Variants in SH3GL2 observed in about 807,000 individuals in gnomAD.
SH3GL2 encodes endophilin-A1.
A neutral mutation model predicts 46.0 loss-of-function variants in SH3GL2; 24 were observed. That is an observed-to-expected ratio of 0.52 (90% CI 0.38 to 0.73). SH3GL2 has a LOEUF of 0.73. Ranked by LOEUF, SH3GL2 falls within the 30% of genes least tolerant of loss-of-function variation. The pLI is 0.00. For synonymous variants in SH3GL2, 196 were observed against 147.1 expected (o/e 1.33, Z -2.40); for missense variants, 413 against 424.2 (o/e 0.97, Z 0.23).
intron 1 of SH3GL2, among the ~76,000 whole-genome samples, chr9:17,699,398 C>T (rs755007077): frequency 1.3e-5 from 2 of 152,156 alleles, no homozygotes; most frequent in Non-Finnish European, 2.9e-5. Context: ...TGTATACTTG[C>T]CAGACTGACA....
intron 1 of SH3GL2, among the ~76,000 whole-genome samples, chr9:17,697,296 T>G (rs1019778121): frequency 2.6e-5 from 4 of 151,832 alleles, no homozygotes; most frequent in African/African-American, 9.7e-5. Flanking sequence ...TGATCTCGGC[T>G]CACTGCAAAC....
At chr9:17,598,053 G>A (rs1291973801) in intron 1 of SH3GL2, among the ~76,000 whole-genome samples, 1 of 152,212 alleles carries the variant, frequency 6.6e-6, no homozygotes, top group Non-Finnish European at 1.5e-5. Flanking sequence ...CACAGGTGCA[G>A]CAAAGAACAA....
At chr9:17,588,386 CAA>C (rs1419261658) in intron 1 of SH3GL2, among the ~76,000 whole-genome samples, 4 of 152,076 alleles carry the variant, frequency 2.6e-5, no homozygotes, top group Non-Finnish European at 5.9e-5. Flanking sequence ...CTTTGTAAGA[CAA>C]AAGGGAGATT....
At chr9:17,739,665 T>C (rs995783652) in intron 1 of SH3GL2, among the ~76,000 whole-genome samples, 1 of 152,140 alleles carries the variant, frequency 6.6e-6, no homozygotes, top group African/African-American at 2.4e-5. Flanking sequence ...ACATTTTCTG[T>C]AAGGCAAAAA....
At chr9:17,653,648 G>A (rs1046705081) in intron 1 of SH3GL2, among the ~76,000 whole-genome samples, 1 of 152,174 alleles carries the variant, frequency 6.6e-6, no homozygotes, top group African/African-American at 2.4e-5. Context: ...CAAAGAGGTA[G>A]GGCCTTTAAA....
intron 1 of SH3GL2, among the ~76,000 whole-genome samples, chr9:17,685,222 T>C (rs1039466349): frequency 6.6e-6 from 1 of 152,002 alleles, no homozygotes; most frequent in Non-Finnish European, 1.5e-5. Context: ...TCTTGGGAAC[T>C]GACAAGTGCA....
chr9:17,704,454 A>G (rs1021559846), intron 1 of SH3GL2, among the ~76,000 whole-genome samples: 4 of 151,972 alleles, frequency 2.6e-5, no homozygotes, highest in Non-Finnish European at 5.9e-5. Flanking sequence ...TAGAACTCCT[A>G]TGGAATCAAA....
chr9:17,705,616 G>A lies in SH3GL2; in HGVS notation c.46-41450G>A, dbSNP rs145920842. On this transcript the variant is annotated intron_variant, in intron 1 of 8. Coordinates refer to ENST00000380607, the MANE Select transcript of SH3GL2 (RefSeq NM_003026.5). ...GTTTATATACACCACGGAGTACTAC[G>A]CAGCTGTGAAAAAGAATGAAATCAT... Among the ~76,000 whole-genome samples, 646 of 152,082 alleles carry A rather than the reference G, an allele frequency of 4.2e-3. 6 individuals carry two copies. The highest frequency in any genetic ancestry group is 6.3e-3 in the Non-Finnish European group (429 of 67,970).
chr9:17,698,897 C>T (rs1027727275), intron 1 of SH3GL2, among the ~76,000 whole-genome samples: 1 of 152,084 alleles, frequency 6.6e-6, no homozygotes, highest in Non-Finnish European at 1.5e-5. Flanking sequence ...TGGCTCATGC[C>T]TGTAATCCCA....
At chr9:17,730,264 T>C (rs758529809) in intron 1 of SH3GL2, among the ~76,000 whole-genome samples, 4 of 152,132 alleles carry the variant, frequency 2.6e-5, no homozygotes, top group Non-Finnish European at 5.9e-5. Flanking sequence ...TCACTGTCTA[T>C]TATTGGTGTA....
intron 1 of SH3GL2, among the ~76,000 whole-genome samples, chr9:17,603,925 C>G (rs906448776): frequency 2.0e-5 from 3 of 152,108 alleles, no homozygotes; most frequent in African/African-American, 7.2e-5. Flanking sequence ...TATATATACA[C>G]TTACAAGTTA....
At chr9:17,711,118 T>C (rs879171160) in intron 1 of SH3GL2, among the ~76,000 whole-genome samples, 1 of 151,866 alleles carries the variant, frequency 6.6e-6, no homozygotes, top group Admixed American at 6.6e-5. Context: ...GAGGAATAAA[T>C]TGGCTAACTC....
At chr9:17,756,571 C>G (rs542756683) in intron 2 of SH3GL2, among the ~76,000 whole-genome samples, 114 of 147,460 alleles carry the variant, frequency 7.7e-4, no homozygotes, top group African/African-American at 2.7e-3. Flanking sequence ...TGAGAACTTG[C>G]GGTGTTTGGT....
chr9:17,786,624 T>G, intron 4 of SH3GL2, 100 bp downstream of exon 4: 1 of 1,363,374 alleles, frequency 7.3e-7, no homozygotes, highest in East Asian at 2.3e-5. Context: ...CATTTTATAT[T>G]TTGGTTTTCA....
At chr9:17,750,166 A>G (rs938917380) in intron 2 of SH3GL2, among the ~76,000 whole-genome samples, 3 of 152,160 alleles carry the variant, frequency 2.0e-5, no homozygotes, top group African/African-American at 4.8e-5. Flanking sequence ...TAGACTCTCA[A>G]ATCTTTTCTC....
rs1217368507 is a variant in SH3GL2 at position 17,787,466 on chromosome 9, A to G, written c.418A>G (p.Ile140Val). 3.1e-6 allele frequency: 5 copies of G among 1,612,876 alleles called. No individual in the cohort carries two copies. The highest frequency in any genetic ancestry group is 1.3e-5 in the African/African-American group (1 of 75,026). The change falls in exon 5 of 9, where the codon ATT becomes GTT. Residue 140 changes from isoleucine (I) to valine (V), a missense_variant. By Grantham distance (29) the Ile-to-Val change is conservative. Around this residue, in one of 3 missense-constraint regions of SH3GL2, gnomAD observed 160 missense variants for 192.3 expected, o/e 0.83. Transcript: ENST00000380607. ...SLDIEVKQNF[I>V]DPLQNLHDKD... ...GGACATAGAAGTGAAGCAGAACTTC[A>G]TTGACCCTCTTCAGAATCTTCATGA...
At chr9:17,743,982 G>A (rs1439319947) in intron 1 of SH3GL2, among the ~76,000 whole-genome samples, 1 of 152,082 alleles carries the variant, frequency 6.6e-6, no homozygotes, top group African/African-American at 2.4e-5. Context: ...CACATGAAGG[G>A]GTCTATCTAT....
At chr9:17,672,550 A>G (rs1820500372) in intron 1 of SH3GL2, among the ~76,000 whole-genome samples, 1 of 152,154 alleles carries the variant, frequency 6.6e-6, no homozygotes, top group Non-Finnish European at 1.5e-5. Flanking sequence ...AGTTTAGTGA[A>G]TGTGGGGATC....
intron 1 of SH3GL2, among the ~76,000 whole-genome samples, chr9:17,695,986 G>A (rs1821193552): frequency 6.6e-6 from 1 of 152,112 alleles, no homozygotes; most frequent in Non-Finnish European, 1.5e-5. Flanking sequence ...AAAGAAGGCA[G>A]ACCTGATAGT....
Sources: gnomAD v4.1 joint callset for allele counts (sites outside exome capture counted in the v4.1 genomes callset) on GRCh38, gnomAD v4.1.1 for gene constraint, gnomAD v4.1.1 regional missense constraint, MANE v1.5 for transcripts, NCBI Gene and HGNC (gene_info 2026-07-23, HGNC 2026-07-21) for gene names.